The following ESRRG variants were observed in gnomAD, a reference collection of about 807,000 sequenced individuals.
ESRRG encodes the protein estrogen-related receptor gamma.
A neutral mutation model predicts 44.0 loss-of-function variants in ESRRG; 13 were observed. The observed-to-expected ratio is 0.30, with a 90% confidence interval of 0.19 to 0.47. The LOEUF is 0.47. ESRRG is among the 20% of genes least tolerant of loss of function. The pLI is 1.00. For missense variants in ESRRG, 395 were observed against 580.6 expected, an observed-to-expected ratio of 0.68 and a Z score of 3.29; for synonymous variants, 215 against 214.6, an observed-to-expected ratio of 1.00 and a Z score of -0.02.
intron 3 of ESRRG, among the ~76,000 whole-genome samples, chr1:216,629,742 A>G (rs2063795748): frequency 6.6e-6 from 1 of 152,060 alleles, no homozygotes; most frequent in African/African-American, 2.4e-5. Flanking sequence ...GAACAGAAAT[A>G]CCCTTGCTTT....
intron 1 of ESRRG, among the ~76,000 whole-genome samples, chr1:217,082,908 A>G (rs948734058): frequency 4.6e-5 from 7 of 152,208 alleles, no homozygotes; most frequent in Non-Finnish European, 1.5e-5. Context: ...CCAGCCTCAA[A>G]GAGTCCCGAA....
intron 1 of ESRRG, among the ~76,000 whole-genome samples, chr1:217,052,931 C>G (rs1267110468): frequency 6.6e-6 from 1 of 151,974 alleles, no homozygotes; most frequent in Non-Finnish European, 1.5e-5. Flanking sequence ...ATAAATAGAC[C>G]TCCTAAAGAT....
intron 1 of ESRRG, among the ~76,000 whole-genome samples, chr1:217,024,133 C>A (rs12134950): frequency 7.9e-5 from 12 of 151,880 alleles, no homozygotes; most frequent in Admixed American, 7.9e-4. Flanking sequence ...CCCAGGTGGG[C>A]GGATCACGAG....
At chr1:216,856,583 A>C (rs1339175537) in intron 2 of ESRRG, among the ~76,000 whole-genome samples, 1 of 152,242 alleles carries the variant, frequency 6.6e-6, no homozygotes, top group East Asian at 1.9e-4. Flanking sequence ...AGCACACACA[A>C]GTAAAACTAA....
At chr1:217,063,041 A>T (rs1300899393) in intron 1 of ESRRG, among the ~76,000 whole-genome samples, 1 of 152,074 alleles carries the variant, frequency 6.6e-6, no homozygotes, top group Admixed American at 6.6e-5. Context: ...ATTCTAGGAG[A>T]ATATCTGATC....
intron 1 of ESRRG, among the ~76,000 whole-genome samples, chr1:217,111,929 G>C (rs1248243718): frequency 6.6e-6 from 1 of 152,126 alleles, no homozygotes; most frequent in African/African-American, 2.4e-5. Context: ...CTTGCATCCA[G>C]ATCTCTTGAA....
intron 2 of ESRRG, among the ~76,000 whole-genome samples, chr1:216,673,340 C>T (rs1462101313): frequency 1.3e-5 from 2 of 152,222 alleles, no homozygotes; most frequent in Non-Finnish European, 2.9e-5. Context: ...CTTTATTTGC[C>T]TCACTGCCTT....
At chr1:216,779,320 T>C (rs1302566711) in intron 2 of ESRRG, among the ~76,000 whole-genome samples, 2 of 90,524 alleles carry the variant, frequency 2.2e-5, no homozygotes, top group African/African-American at 4.6e-5. Flanking sequence ...TATTTATAAA[T>C]ATAAATATAT....
At chr1:216,944,949 G>C (rs1314424623) in intron 1 of ESRRG, among the ~76,000 whole-genome samples, 2 of 152,050 alleles carry the variant, frequency 1.3e-5, no homozygotes. Flanking sequence ...AATTTAGAGG[G>C]ACAAGCTCTA....
intron 3 of ESRRG, among the ~76,000 whole-genome samples, chr1:216,647,146 G>A (rs2067783207): frequency 1.3e-5 from 2 of 152,004 alleles, no homozygotes; most frequent in Admixed American, 6.6e-5. Context: ...AGATTTATAG[G>A]TGCACCTTGA....
At chr1:216,582,977 T>C (rs2063081459) in intron 3 of ESRRG, among the ~76,000 whole-genome samples, 1 of 151,326 alleles carries the variant, frequency 6.6e-6, no homozygotes, top group African/African-American at 2.4e-5. Context: ...AATGGGAGAA[T>C]GGCCAGGAAA....
At chr1:216,943,774 T>C (rs956365517) in intron 1 of ESRRG, among the ~76,000 whole-genome samples, 1 of 152,136 alleles carries the variant, frequency 6.6e-6, no homozygotes, top group Non-Finnish European at 1.5e-5. Flanking sequence ...ACAGAAGAAA[T>C]TCCTCAGCTT....
intron 3 of ESRRG, among the ~76,000 whole-genome samples, chr1:216,581,925 T>C (rs1458305702): frequency 6.6e-6 from 1 of 152,262 alleles, no homozygotes; most frequent in Non-Finnish European, 1.5e-5. Flanking sequence ...CTTTGGTGTC[T>C]ATACCAAAGT....
intron 1 of ESRRG, among the ~76,000 whole-genome samples, chr1:216,968,903 T>C (rs948006040): frequency 3.3e-5 from 5 of 152,290 alleles, no homozygotes; most frequent in Admixed American, 6.5e-5. Flanking sequence ...TTTTGTAGTT[T>C]TCTTTGTACA....
intron 2 of ESRRG, among the ~76,000 whole-genome samples, chr1:216,882,397 C>G (rs1283435946): frequency 6.6e-6 from 1 of 152,104 alleles, no homozygotes; most frequent in Non-Finnish European, 1.5e-5. Flanking sequence ...AATTAACTTT[C>G]TCAGGAGAAC....
chr1:216,681,401 G>A (rs981220542), intron 1 of ESRRG, among the ~76,000 whole-genome samples: 8 of 151,858 alleles, frequency 5.3e-5, no homozygotes, highest in African/African-American at 1.2e-4. Context: ...CCATTAACTC[G>A]TCATTTACAT....
chr1:216,701,135 TGG>T (rs35570426), intron 1 of ESRRG, among the ~76,000 whole-genome samples: 5 of 151,814 alleles, frequency 3.3e-5, no homozygotes, highest in Non-Finnish European at 5.9e-5. Context: ...TTGCGGAGTT[TGG>T]GGGGGGTATG....
intron 2 of ESRRG, among the ~76,000 whole-genome samples, chr1:216,817,916 T>A (rs1440244824): frequency 1.4e-5 from 2 of 144,782 alleles, no homozygotes; most frequent in African/African-American, 5.0e-5. Flanking sequence ...CCATATGCAA[T>A]TCTTCAGGGC....
chr1:216,712,769 T>C (rs996753182), intron 1 of ESRRG, among the ~76,000 whole-genome samples: 1 of 152,218 alleles, frequency 6.6e-6, no homozygotes, highest in South Asian at 2.1e-4. Flanking sequence ...GAGCAACAGC[T>C]TAAAAGCATG....
Sources: gnomAD v4.1 joint callset for allele counts (sites outside exome capture counted in the v4.1 genomes callset) on GRCh38, gnomAD v4.1.1 for gene constraint, MANE v1.5 for transcripts, NCBI Gene and HGNC (gene_info 2026-07-23, HGNC 2026-07-21) for gene names.